The following CA8 variants were observed in gnomAD, a reference collection of about 807,000 sequenced individuals.
CA8 encodes carbonic anhydrase 8 (inactive).
In CA8, 22 loss-of-function variants were observed where a neutral mutation model predicts 41.4. The ratio of observed to expected loss-of-function variants is 0.53; its 90% CI spans 0.38 to 0.76. The LOEUF is 0.76. CA8 is among the 30% of genes least tolerant of loss of function. The pLI, the probability that CA8 is intolerant of heterozygous loss-of-function variation, is 0.00. For missense variants in CA8, 270 were observed against 352.8 expected (o/e 0.77, Z 1.88); for synonymous variants, 121 against 130.6 (o/e 0.93, Z 0.50).
Position 60,204,891 on chromosome 8 carries a change from C to T in CA8, c.*35+3859G>A, listed in dbSNP as rs186930055. On this transcript the variant is annotated intron_variant, in intron 8 of 8. Transcript: ENST00000317995. ...GAGTGAACATTCTCACTTTCCTTTCCTCACACAGGCACCCCCTTCTCTATA... is the reference window on the plus strand; with the variant it reads ...GAGTGAACATTCTCACTTTCCTTTCTTCACACAGGCACCCCCTTCTCTATA... Among the ~76,000 whole-genome samples, 10 of 152,244 alleles carry T rather than the reference C, an allele frequency of 6.6e-5. No homozygotes were observed. In the East Asian group the frequency reaches 1.9e-3, roughly 29 times the overall value.
chr8:60,266,897 T>C (rs1803917501), intron 2 of CA8, among the ~76,000 whole-genome samples: 1 of 152,244 alleles, frequency 6.6e-6, no homozygotes, highest in Non-Finnish European at 1.5e-5. Context: ...CAGGGCATTT[T>C]TCCTCTAGCA....
intron 3 of CA8, chr8:60,265,210 T>C (rs1803859966): frequency 6.6e-6 from 1 of 152,316 alleles, no homozygotes; most frequent in African/African-American, 2.4e-5. Context: ...AGAGGGAGCT[T>C]CGGTCCTCAG....
intron 7 of CA8, among the ~76,000 whole-genome samples, chr8:60,211,901 A>G (rs1337689378): frequency 1.3e-5 from 2 of 152,236 alleles, no homozygotes. Context: ...GAACAGAATA[A>G]TAGAATAATA....
At chr8:60,215,356 T>TACACAC (rs1491573298) in intron 7 of CA8, among the ~76,000 whole-genome samples, 3 of 94,612 alleles carry the variant, frequency 3.2e-5, no homozygotes, top group African/African-American at 1.0e-4. Context: ...TGTGTGTGTG[T>TACACAC]ATACACACAC....
chr8:60,226,786 C>A, intron 5 of CA8, 87 bp downstream of exon 5: 1 of 750,842 alleles, frequency 1.3e-6, no homozygotes, highest in South Asian at 1.5e-5. Context: ...ATCTGTGAGT[C>A]CTTCTAACAC....
intron 8 of CA8, among the ~76,000 whole-genome samples, chr8:60,195,885 A>G (rs1034893837): frequency 6.6e-6 from 1 of 152,202 alleles, no homozygotes; most frequent in East Asian, 1.9e-4. Flanking sequence ...ACAGAGGAAG[A>G]GGTCAGGAGT....
chr8:60,238,434 AC>A (rs1450625610), intron 3 of CA8, among the ~76,000 whole-genome samples: 1 of 152,078 alleles, frequency 6.6e-6, no homozygotes, highest in Non-Finnish European at 1.5e-5. Flanking sequence ...AAATGCAGGG[AC>A]CTTTCCTTTC....
At chr8:60,226,757 G>A in intron 5 of CA8, 116 bp downstream of exon 5, 1 of 702,884 alleles carries the variant, frequency 1.4e-6, no homozygotes, top group East Asian at 2.7e-5. Context: ...ATAACCACAA[G>A]GACAGCAGCT....
chr8:60,233,207 A>G (rs904905222), intron 3 of CA8, among the ~76,000 whole-genome samples: 2 of 152,240 alleles, frequency 1.3e-5, no homozygotes, highest in South Asian at 4.1e-4. Flanking sequence ...ATAGCTTTTC[A>G]TCGTTATAAT....
chr8:60,213,996 C>T (rs1391184491), intron 7 of CA8, among the ~76,000 whole-genome samples: 1 of 152,112 alleles, frequency 6.6e-6, no homozygotes, highest in Non-Finnish European at 1.5e-5. Flanking sequence ...CAGCAACTAC[C>T]CCAGACCTAC....
At chr8:60,276,051 T>C (rs2130628208) in intron 2 of CA8, among the ~76,000 whole-genome samples, 1 of 152,324 alleles carries the variant, frequency 6.6e-6, no homozygotes, top group East Asian at 1.9e-4. Flanking sequence ...CATCCAAGCA[T>C]GTAGCCCTCA....
intron 4 of CA8, among the ~76,000 whole-genome samples, chr8:60,230,529 C>A (rs1807607178): frequency 1.3e-5 from 2 of 152,040 alleles, no homozygotes; most frequent in Admixed American, 1.3e-4. Context: ...CCAAATTTCT[C>A]TCATCCAGCC....
chr8:60,269,652 T>A (rs1168930338), intron 2 of CA8, among the ~76,000 whole-genome samples: 1 of 152,236 alleles, frequency 6.6e-6, no homozygotes, highest in Non-Finnish European at 1.5e-5. Flanking sequence ...ATTTACCAGA[T>A]AATTCAAAGG....
chr8:60,247,215 A>G (rs1048148593), intron 3 of CA8, among the ~76,000 whole-genome samples: 11 of 152,066 alleles, frequency 7.2e-5, no homozygotes, highest in African/African-American at 2.7e-4. Context: ...ACTTCATGGC[A>G]TATTTTCTTT....
intron 3 of CA8, among the ~76,000 whole-genome samples, chr8:60,242,360 C>A (rs1173758921): frequency 6.6e-6 from 1 of 152,126 alleles, no homozygotes; most frequent in South Asian, 2.1e-4. Flanking sequence ...AATGGAGGTA[C>A]AGAAAGTGAA....
At chr8:60,237,218 T>C (rs1347614715) in intron 3 of CA8, among the ~76,000 whole-genome samples, 1 of 152,210 alleles carries the variant, frequency 6.6e-6, no homozygotes, top group Non-Finnish European at 1.5e-5. Context: ...CTAACTTCTT[T>C]CAGCATGTCT....
Position 60,221,446 on chromosome 8 carries a change from T to A in CA8, c.738+1203A>T, listed in dbSNP as rs574834878. On this transcript the variant is annotated intron_variant, in intron 7 of 8. Coordinates refer to ENST00000317995, the MANE Select transcript of CA8 (RefSeq NM_004056.6). The stretch of plus-strand genomic sequence containing the variant: ...TAAATTAAAAGCAAAGTGCATTTAG[T>A]GGTACTAAGAAACAAGAACACATCA... Among the ~76,000 whole-genome samples the A allele has an allele frequency of 8.8e-4, 134 of 152,324 alleles. 1 individual carries two copies. The highest frequency in any genetic ancestry group is 3.1e-3 in the African/African-American group (129 of 41,572).
intron 3 of CA8, among the ~76,000 whole-genome samples, chr8:60,253,421 T>C (rs1174100936): frequency 1.3e-5 from 2 of 152,172 alleles, no homozygotes; most frequent in Non-Finnish European, 2.9e-5. Flanking sequence ...TCAAGTTTCA[T>C]TTCTCAGCAT....
chr8:60,255,722 A>G (rs1808613429), intron 3 of CA8, among the ~76,000 whole-genome samples: 2 of 152,148 alleles, frequency 1.3e-5, no homozygotes, highest in African/African-American at 4.8e-5. Context: ...TCTTCTATTC[A>G]TTTCAGGTTT....
Sources: allele counts gnomAD v4.1 joint callset (sites outside exome capture counted in the v4.1 genomes callset), GRCh38; gene constraint gnomAD v4.1.1; transcripts MANE v1.5; gene names NCBI Gene and HGNC (gene_info 2026-07-23, HGNC 2026-07-21).